ACTR3C: variants seen among roughly 807,000 people sequenced by gnomAD.
ACTR3C encodes actin related protein 3C.
In ACTR3C, 18 loss-of-function variants were observed where a neutral mutation model predicts 26.3. The ratio of observed to expected loss-of-function variants is 0.68; its 90% CI spans 0.47 to 1.01. The LOEUF (loss-of-function observed/expected upper bound fraction) is 1.01, where lower values mean the gene tolerates loss of function less well. Ranked by LOEUF, ACTR3C falls within the 50% of genes least tolerant of loss-of-function variation. The pLI is 0.00. For missense variants in ACTR3C, 184 were observed against 250.7 expected, an observed-to-expected ratio of 0.73 and a Z score of 1.80; for synonymous variants, 55 against 94.5, an observed-to-expected ratio of 0.58 and a Z score of 2.42.
the ACTR3C span, among the ~76,000 whole-genome samples, chr7:150,164,561 C>T: frequency 1.3e-5 from 2 of 151,598 alleles, no homozygotes; most frequent in African/African-American, 2.4e-5. Flanking sequence ...ATGCATTTCC[C>T]GAATAGGCAA....
At chr7:150,076,108 C>T in the ACTR3C span, among the ~76,000 whole-genome samples, 3 of 152,026 alleles carry the variant, frequency 2.0e-5, no homozygotes, top group Non-Finnish European at 1.5e-5. Context: ...TGATACCACA[C>T]CACCTTTCAA....
chr7:150,099,391 C>T, the ACTR3C span, among the ~76,000 whole-genome samples: 1 of 151,612 alleles, frequency 6.6e-6, no homozygotes, highest in Admixed American at 6.6e-5. Context: ...TTTCACACCA[C>T]CATTCAAGTC....
At chr7:150,167,296 C>T in the ACTR3C span, among the ~76,000 whole-genome samples, 1 of 150,630 alleles carries the variant, frequency 6.6e-6, no homozygotes, top group Non-Finnish European at 1.5e-5. Context: ...TACTAGCATT[C>T]CCCTTTCTGT....
the ACTR3C span, among the ~76,000 whole-genome samples, chr7:150,008,069 A>G: frequency 6.6e-6 from 1 of 152,210 alleles, no homozygotes. Flanking sequence ...GAAAAAAATC[A>G]CAATTCCTGG....
At chr7:150,078,746 T>C in the ACTR3C span, among the ~76,000 whole-genome samples, 4 of 152,222 alleles carry the variant, frequency 2.6e-5, no homozygotes, top group Non-Finnish European at 5.9e-5. Context: ...AGGGTGTTTC[T>C]AGAAAAGATG....
At chr7:150,039,351 G>GA in the ACTR3C span, among the ~76,000 whole-genome samples, 112 of 136,862 alleles carry the variant, frequency 8.2e-4, 1 homozygote, top group Non-Finnish European at 7.6e-4. Context: ...CCACCCTCGT[G>GA]GGGTTGCCTC....
chr7:150,036,358 CG>C, the ACTR3C span, among the ~76,000 whole-genome samples: 1 of 146,374 alleles, frequency 6.8e-6, no homozygotes, highest in African/African-American at 2.5e-5. Context: ...TGTTTAGAGA[CG>C]TAGGCTACGG....
At chr7:150,137,503 C>A in the ACTR3C span, among the ~76,000 whole-genome samples, 1 of 152,232 alleles carries the variant, frequency 6.6e-6, no homozygotes, top group Admixed American at 6.5e-5. Context: ...TTCTTTTCAC[C>A]TCTTCTGCCT....
At chr7:150,320,334 G>A (rs974061588) in intron 1 of ACTR3C, among the ~76,000 whole-genome samples, 1 of 152,240 alleles carries the variant, frequency 6.6e-6, no homozygotes, top group Non-Finnish European at 1.5e-5. Flanking sequence ...GCTAAGAATA[G>A]TGTATTTTAT....
chr7:150,134,894 G>A, the ACTR3C span, among the ~76,000 whole-genome samples: 36 of 152,160 alleles, frequency 2.4e-4, no homozygotes, highest in Non-Finnish European at 3.2e-4. Flanking sequence ...AATGAACACC[G>A]GCCCCATCTG....
At chr7:150,035,886 G>A in the ACTR3C span, among the ~76,000 whole-genome samples, 47 of 133,630 alleles carry the variant, frequency 3.5e-4, 3 homozygotes, top group South Asian at 5.7e-3. Context: ...GGCGGAAGAG[G>A]GGATAGCTCT....
chr7:150,295,237 C>T lies in ACTR3C; in HGVS notation c.45+15G>A, dbSNP rs1836639695. 15 of 1,613,704 alleles carry T rather than the reference C, an allele frequency of 9.3e-6. No homozygotes were observed. Among genetic ancestry groups the T allele is most frequent in the Non-Finnish European group, 1.2e-5 (14 of 1,179,672 alleles). ...GCTCAGGTGCTTTAGGAATCACAAA[C>T]ATAACTGGTTTTACCTGAACTGCAA... On this transcript the variant is annotated intron_variant, in intron 2 of 7. Coordinates refer to ENST00000683684, the MANE Select transcript of ACTR3C (RefSeq NM_001164458.2).
chr7:150,137,007 T>C, the ACTR3C span, among the ~76,000 whole-genome samples: 8 of 152,210 alleles, frequency 5.3e-5, no homozygotes, highest in African/African-American at 1.4e-4. Context: ...CTCTTGCACA[T>C]GCAGTTCACA....
At chr7:150,107,340 T>C in the ACTR3C span, among the ~76,000 whole-genome samples, 2 of 151,840 alleles carry the variant, frequency 1.3e-5, no homozygotes, top group Non-Finnish European at 2.9e-5. Context: ...AGTGTCAACT[T>C]TGAAGAAGAC....
the ACTR3C span, among the ~76,000 whole-genome samples, chr7:150,033,972 G>C: frequency 6.7e-6 from 1 of 148,838 alleles, no homozygotes; most frequent in African/African-American, 2.5e-5. Context: ...GAAGGGGGAC[G>C]TTCGCAGTCC....
chr7:150,295,263 T>C lies in ACTR3C; in HGVS notation c.34A>G (p.Ile12Val), dbSNP rs191789394. 4.2e-5 allele frequency: 67 copies of C among 1,613,982 alleles called. No individual in the cohort carries two copies. In the African/African-American group the frequency reaches 8.9e-4, roughly 22 times the overall value. Residue 12 changes from isoleucine (I) to valine (V), a missense_variant, in exon 2 of 8, where the codon ATT (isoleucine) becomes GTT (valine). Ile to Val is a conservative substitution (Grantham distance 29, BLOSUM62 3). Transcript: ENST00000683684. The part of the protein sequence containing the change: ...FESFNVPGLY[I>V]AVQAVLALAA... The stretch of plus-strand genomic sequence containing the variant: ...ATAACTGGTTTTACCTGAACTGCAA[T>C]GTAGAGTCCTGGAACGTTAAATGAT...
chr7:150,119,048 G>A, the ACTR3C span, among the ~76,000 whole-genome samples: 281 of 152,018 alleles, frequency 1.8e-3, 1 homozygote, highest in African/African-American at 6.5e-3. Context: ...GAAAGACTTT[G>A]TCACCACCAG....
chr7:149,968,986 C>T, the ACTR3C span, among the ~76,000 whole-genome samples: 125 of 151,878 alleles, frequency 8.2e-4, no homozygotes, highest in African/African-American at 2.6e-3. Context: ...GGCACACTTC[C>T]GAGCCCCTTA....
At chr7:150,132,293 T>G in the ACTR3C span, among the ~76,000 whole-genome samples, 31 of 152,342 alleles carry the variant, frequency 2.0e-4, no homozygotes, top group African/African-American at 7.5e-4. Context: ...GGTCATGATA[T>G]AGGTTGCATA....
Sources: allele counts gnomAD v4.1 joint callset (sites outside exome capture counted in the v4.1 genomes callset), GRCh38; gene constraint gnomAD v4.1.1; transcripts MANE v1.5; gene names NCBI Gene and HGNC (gene_info 2026-07-23, HGNC 2026-07-21).